Variants in TENM2 observed in about 807,000 individuals in gnomAD.
TENM2 encodes teneurin transmembrane protein 2.
In TENM2, 52 loss-of-function variants were observed where a neutral mutation model predicts 245.2. The ratio of observed to expected loss-of-function variants is 0.21; its 90% CI spans 0.17 to 0.27. The LOEUF is 0.27. Among genes scored for constraint, TENM2 ranks in the 10% least tolerant of loss-of-function variants. The pLI is 1.00. For synonymous variants in TENM2, 1,363 were observed against 1,438.9 expected, an observed-to-expected ratio of 0.95 and a Z score of 1.19; for missense variants, 3,046 against 3,666.8, an observed-to-expected ratio of 0.83 and a Z score of 4.37.
At chr5:167,740,826 C>G (rs1322409137) in intron 2 of TENM2, among the ~76,000 whole-genome samples, 1 of 152,176 alleles carries the variant, frequency 6.6e-6, no homozygotes, top group Non-Finnish European at 1.5e-5. Context: ...CAAATTCCCT[C>G]TTGGTGATCC....
At position 167,843,799 on chromosome 5, in the gene TENM2, G is replaced by A. The variant is rs529861890; in HGVS notation, c.503-32187G>A. The stretch of plus-strand genomic sequence containing the variant: ...TATGCTGGACCCATTATAACAATAG[G>A]GACTATCACCAAAGTATTCTAAAAC... On this transcript the variant is annotated intron_variant, in intron 2 of 28. Transcript: ENST00000518659. Among the ~76,000 whole-genome samples, 4 of 152,190 alleles carry A rather than the reference G, an allele frequency of 2.6e-5. No individual in the cohort carries two copies. The South Asian group carries it at 8.3e-4, about 32-fold the overall frequency.
intron 4 of TENM2, among the ~76,000 whole-genome samples, chr5:167,992,460 T>G (rs1426382000): frequency 6.6e-6 from 1 of 152,238 alleles, no homozygotes; most frequent in Non-Finnish European, 1.5e-5. Context: ...ATTTTCATGG[T>G]TGCATAATAT....
chr5:167,361,646 A>G (rs1342497131), intron 1 of TENM2, among the ~76,000 whole-genome samples: 1 of 152,232 alleles, frequency 6.6e-6, no homozygotes, highest in Non-Finnish European at 1.5e-5. Context: ...AATAAGCAGT[A>G]TATGAACAGT....
At chr5:168,132,323 G>A (rs1754661990) in intron 12 of TENM2, among the ~76,000 whole-genome samples, 1 of 152,184 alleles carries the variant, frequency 6.6e-6, no homozygotes, top group Admixed American at 6.5e-5. Flanking sequence ...ACATAGACAA[G>A]ATAGACACAA....
intron 2 of TENM2, among the ~76,000 whole-genome samples, chr5:167,391,366 G>A (rs995467338): frequency 6.6e-6 from 1 of 151,926 alleles, no homozygotes; most frequent in African/African-American, 2.4e-5. Flanking sequence ...TGGCTCACGT[G>A]TGTAATCCCA....
chr5:167,739,240 T>C (rs935361469), intron 2 of TENM2, among the ~76,000 whole-genome samples: 2 of 152,212 alleles, frequency 1.3e-5, no homozygotes, highest in Admixed American at 1.3e-4. Context: ...TCTATTTCTA[T>C]TTCTGGGCTT....
At chr5:167,971,714 A>G (rs1781806091) in intron 4 of TENM2, among the ~76,000 whole-genome samples, 1 of 151,306 alleles carries the variant, frequency 6.6e-6, no homozygotes, top group Non-Finnish European at 1.5e-5. Flanking sequence ...CAAACAAACA[A>G]ACAAAACAAA....
chr5:167,082,148 GTTC>G, the TENM2 span, among the ~76,000 whole-genome samples: 1 of 152,072 alleles, frequency 6.6e-6, no homozygotes, highest in African/African-American at 2.4e-5. Flanking sequence ...ATCATGTTTT[GTTC>G]TTCTTATTAT....
chr5:167,478,092 G>A (rs1407584191), intron 2 of TENM2, among the ~76,000 whole-genome samples: 4 of 152,166 alleles, frequency 2.6e-5, no homozygotes, highest in South Asian at 2.1e-4. Flanking sequence ...TGGGAAGAGC[G>A]AAACACCAGG....
intron 12 of TENM2, among the ~76,000 whole-genome samples, chr5:168,145,502 G>C (rs1339769156): frequency 9.0e-6 from 1 of 111,368 alleles, no homozygotes; most frequent in African/African-American, 3.4e-5. Context: ...GATATGTGGC[G>C]TTATTTCTGA....
At chr5:168,204,458 C>T (rs777748749) in exon 19 of TENM2, 6 of 1,613,884 alleles carry the variant, frequency 3.7e-6, no homozygotes, top group African/African-American at 1.3e-5. Flanking sequence ...TGGTCGCCGC[C>T]GGAGCATTTC....
chr5:167,736,768 G>T (rs768639948), intron 2 of TENM2, among the ~76,000 whole-genome samples: 4 of 151,898 alleles, frequency 2.6e-5, no homozygotes, highest in Non-Finnish European at 5.9e-5. Flanking sequence ...ATACTTCCAG[G>T]TGAGGGAGCC....
chr5:167,944,880 C>T (rs979792653), intron 3 of TENM2, among the ~76,000 whole-genome samples: 1 of 152,160 alleles, frequency 6.6e-6, no homozygotes, highest in Non-Finnish European at 1.5e-5. Flanking sequence ...GATCAGGCAG[C>T]AAGTGCCAGG....
intron 12 of TENM2, among the ~76,000 whole-genome samples, chr5:168,140,494 A>G (rs1407966857): frequency 6.6e-6 from 1 of 152,114 alleles, no homozygotes. Flanking sequence ...CCAGCAAACC[A>G]AGCCAGTGAC....
chr5:167,322,213 G>GT lies in TENM2; in HGVS notation c.226+37163dup, dbSNP rs70976410. Among the ~76,000 whole-genome samples, 1,310 of 146,124 alleles carry GT rather than the reference G, an allele frequency of 9.0e-3. 10 individuals carry two copies. The highest frequency in any genetic ancestry group is 0.018 in the Middle Eastern group (5 of 282). ...TGTATTTAAGTGCTCAAAAATATTT[G>GT]TTTTTTTTTTTTTGTTGCTGTTGTT... On this transcript the variant is annotated intron_variant, in intron 1 of 28. Transcript: ENST00000518659.
At chr5:168,241,942 G>A (rs1766139137) in intron 25 of TENM2, among the ~76,000 whole-genome samples, 1 of 152,024 alleles carries the variant, frequency 6.6e-6, no homozygotes, top group Non-Finnish European at 1.5e-5. Context: ...TTGGCTGTAT[G>A]GATGAACACT....
At chr5:167,761,250 C>A (rs1170841478) in intron 2 of TENM2, among the ~76,000 whole-genome samples, 1 of 152,140 alleles carries the variant, frequency 6.6e-6, no homozygotes, top group Non-Finnish European at 1.5e-5. Flanking sequence ...GAGTTTCTAA[C>A]ATGCTATGTA....
Position 167,672,348 on chromosome 5 carries a change from A to G in TENM2, c.503-203638A>G, listed in dbSNP as rs529920418. On this transcript the variant is annotated intron_variant, in intron 2 of 28. Coordinates refer to ENST00000518659, the Ensembl canonical transcript of TENM2. ...AATATATGTACCTTTAATAAAAAAGATAGATTGATTAGAACCTGATTTAAT... is the reference window on the plus strand; with the variant it reads ...AATATATGTACCTTTAATAAAAAAGGTAGATTGATTAGAACCTGATTTAAT... Among the ~76,000 whole-genome samples the G allele has an allele frequency of 3.9e-5, 6 of 152,172 alleles. No homozygotes were observed. The South Asian group carries it at 1.2e-3, about 32-fold the overall frequency.
the TENM2 span, among the ~76,000 whole-genome samples, chr5:167,034,629 CAAAAAAAAAAA>C: frequency 2.8e-5 from 2 of 72,256 alleles, no homozygotes; most frequent in Non-Finnish European, 4.6e-5. Context: ...GACTCCGTCT[CAAAAAAAAAAA>C]AAAAAAAAAA....
Sources: gnomAD v4.1 joint callset for allele counts (sites outside exome capture counted in the v4.1 genomes callset) on GRCh38, gnomAD v4.1.1 for gene constraint, MANE v1.5 for transcripts, NCBI Gene and HGNC (gene_info 2026-07-23, HGNC 2026-07-21) for gene names.